Variants in VPS13B observed in about 807,000 individuals in gnomAD.
The protein encoded by VPS13B is intermembrane lipid transfer protein VPS13B.
VPS13B carries 285 observed loss-of-function variants against 426.4 expected under a neutral mutation model. That is an observed-to-expected ratio of 0.67 (90% CI 0.61 to 0.74). VPS13B has a LOEUF of 0.74. Among genes scored for constraint, VPS13B ranks in the 30% least tolerant of loss-of-function variants. The probability of loss-of-function intolerance (pLI) is 0.00; values close to 1 mark genes in which losing one functional copy is unlikely to be tolerated. For missense variants in VPS13B, 4,537 were observed against 4,782.6 expected, an observed-to-expected ratio of 0.95 and a Z score of 1.51; for synonymous variants, 1,676 against 1,676.4, an observed-to-expected ratio of 1.00 and a Z score of 0.01.
chr8:99,775,646 C>A (rs1280547930), intron 40 of VPS13B, among the ~76,000 whole-genome samples: 3 of 152,194 alleles, frequency 2.0e-5, no homozygotes, highest in Non-Finnish European at 4.4e-5. Context: ...GCCTGTAACC[C>A]CAGCACTTTG....
intron 17 of VPS13B, among the ~76,000 whole-genome samples, chr8:99,211,603 C>T (rs1047565228): frequency 6.6e-6 from 1 of 151,958 alleles, no homozygotes; most frequent in African/African-American, 2.4e-5. Flanking sequence ...TACTGGAAAC[C>T]CCGTTTCTAC....
At chr8:99,222,071 C>T (rs1276020286) in intron 17 of VPS13B, among the ~76,000 whole-genome samples, 2 of 152,132 alleles carry the variant, frequency 1.3e-5, no homozygotes, top group African/African-American at 4.8e-5. Flanking sequence ...CAGACTCACC[C>T]CTCAAATAAT....
rs1817721754 is a variant in VPS13B at position 99,442,458 on chromosome 8, A to G, written c.3268A>G (p.Thr1090Ala). The change falls in exon 23 of 62, where the codon ACA (threonine) becomes GCA (alanine). Residue 1090 changes from threonine to alanine, a missense_variant. Thr to Ala is a moderately conservative substitution (Grantham distance 58, BLOSUM62 0). Coordinates refer to ENST00000357162, the MANE Select transcript of VPS13B (RefSeq NM_152564.5). ...IPNDSLPSPS[T>A]IVSGDIPGTV... Reference sequence around the variant, plus strand: ...AAATGATAGCCTGCCTTCCCCAAGTACAATTGTATCTGGTGACATTCCTGG... The same window carrying G: ...AAATGATAGCCTGCCTTCCCCAAGTGCAATTGTATCTGGTGACATTCCTGG... 6.2e-7 allele frequency: 1 copy of G among 1,613,952 alleles called. No individual in the cohort carries two copies. The highest frequency in any genetic ancestry group is 8.5e-7 in the Non-Finnish European group (1 of 1,179,878).
intron 19 of VPS13B, among the ~76,000 whole-genome samples, chr8:99,380,560 G>A (rs1382016513): frequency 6.6e-6 from 1 of 151,778 alleles, no homozygotes; most frequent in African/African-American, 2.4e-5. Context: ...TACTGGTTCT[G>A]GGCCCATGGA....
chr8:99,462,856 G>T (rs1424950113), intron 23 of VPS13B, among the ~76,000 whole-genome samples: 3 of 152,150 alleles, frequency 2.0e-5, no homozygotes, highest in Non-Finnish European at 2.9e-5. Flanking sequence ...TGGCAAGAAG[G>T]TTATCTAATT....
At chr8:99,225,469 G>A (rs1282760167) in intron 17 of VPS13B, among the ~76,000 whole-genome samples, 1 of 151,918 alleles carries the variant, frequency 6.6e-6, no homozygotes, top group Non-Finnish European at 1.5e-5. Flanking sequence ...GTAGAGATGG[G>A]GTTTCACCGT....
At chr8:99,722,599 T>C (rs112631759) in intron 39 of VPS13B, among the ~76,000 whole-genome samples, 10,388 of 151,556 alleles carry the variant, frequency 0.069, 523 homozygotes, top group African/African-American at 0.14. Flanking sequence ...CTCCGCCTCC[T>C]GGGTTCAGGC....
chr8:99,852,284 A>G (rs1012048845), intron 55 of VPS13B, among the ~76,000 whole-genome samples: 1 of 152,224 alleles, frequency 6.6e-6, no homozygotes, highest in African/African-American at 2.4e-5. Flanking sequence ...AGTTTGATAC[A>G]CAAGATTGGA....
chr8:99,459,949 G>A (rs893895564), intron 23 of VPS13B, among the ~76,000 whole-genome samples: 4 of 152,018 alleles, frequency 2.6e-5, no homozygotes, highest in African/African-American at 7.2e-5. Context: ...TGGTTTAATA[G>A]TATACCTTTT....
chr8:99,587,122 T>C (rs566923374), intron 33 of VPS13B, among the ~76,000 whole-genome samples: 19 of 152,194 alleles, frequency 1.2e-4, no homozygotes, highest in Non-Finnish European at 4.4e-5. Flanking sequence ...GGTTTCCAGC[T>C]TCATCCATGT....
chr8:99,561,879 A>G (rs1317959423), intron 31 of VPS13B, among the ~76,000 whole-genome samples: 5 of 152,292 alleles, frequency 3.3e-5, no homozygotes, highest in East Asian at 1.9e-4. Flanking sequence ...TAATGTTGCT[A>G]TGGATATTGC....
At chr8:99,320,133 T>G (rs1264953304) in intron 19 of VPS13B, among the ~76,000 whole-genome samples, 1 of 152,222 alleles carries the variant, frequency 6.6e-6, no homozygotes, top group African/African-American at 2.4e-5. Context: ...GCTTGTTCTT[T>G]GGAATTGTGG....
intron 17 of VPS13B, among the ~76,000 whole-genome samples, chr8:99,265,829 A>G (rs556303144): frequency 6.6e-6 from 1 of 152,246 alleles, no homozygotes; most frequent in African/African-American, 2.4e-5. Flanking sequence ...TCTCTGTTCT[A>G]CTAAGGCTAC....
At chr8:99,406,683 C>G (rs868709556) in intron 21 of VPS13B, among the ~76,000 whole-genome samples, 7 of 152,260 alleles carry the variant, frequency 4.6e-5, no homozygotes, top group Middle Eastern at 3.4e-3. Flanking sequence ...TCAGTGTTCT[C>G]CACTCTGTGC....
chr8:99,333,221 G>A (rs1300099725), intron 19 of VPS13B, among the ~76,000 whole-genome samples: 1 of 151,702 alleles, frequency 6.6e-6, no homozygotes, highest in African/African-American at 2.4e-5. Context: ...TCAGGGACAT[G>A]TAAAATTAAT....
intron 34 of VPS13B, among the ~76,000 whole-genome samples, chr8:99,646,598 T>C (rs1046739804): frequency 3.9e-5 from 6 of 152,126 alleles, no homozygotes; most frequent in Admixed American, 6.5e-5. Context: ...TTTGCACATA[T>C]GTATGATTGT....
At chr8:99,142,869 T>G (rs893561338) in intron 12 of VPS13B, 105 bp from the exon 13 acceptor site, 91 of 1,194,622 alleles carry the variant, frequency 7.6e-5, no homozygotes, top group Non-Finnish European at 8.3e-5. Context: ...GAATTTGTTT[T>G]AAGGCATTAA....
chr8:99,047,722 T>C (rs1425419978), intron 3 of VPS13B, among the ~76,000 whole-genome samples: 1 of 152,038 alleles, frequency 6.6e-6, no homozygotes, highest in African/African-American at 2.4e-5. Context: ...AAGTCTTGCT[T>C]TGTCACCCAG....
At chr8:99,640,022 TAATAAGAAGAAG>T (rs1213739796) in intron 33 of VPS13B, among the ~76,000 whole-genome samples, 1 of 89,408 alleles carries the variant, frequency 1.1e-5, no homozygotes, top group Non-Finnish European at 2.4e-5. Flanking sequence ...ATAATAATAA[TAATAAGAAGAAG>T]AAGAAGAAGA....
Sources: allele counts gnomAD v4.1 joint callset (sites outside exome capture counted in the v4.1 genomes callset), GRCh38; gene constraint gnomAD v4.1.1; transcripts MANE v1.5; gene names NCBI Gene and HGNC (gene_info 2026-07-23, HGNC 2026-07-21).